The following RBFOX1 variants were observed in gnomAD, a reference collection of about 807,000 sequenced individuals.
RBFOX1 encodes the protein RNA binding fox-1 homolog 1.
A neutral mutation model predicts 57.7 loss-of-function variants in RBFOX1; 8 were observed. The observed-to-expected ratio is 0.14, with a 90% CI of 0.08 to 0.25. The LOEUF (loss-of-function observed/expected upper bound fraction) is 0.25, where lower values mean the gene tolerates loss of function less well. RBFOX1 is among the 10% of genes least tolerant of loss of function. RBFOX1 has a pLI of 1.00. For synonymous variants in RBFOX1, 326 were observed against 222.4 expected, an observed-to-expected ratio of 1.47 and a Z score of -4.15; for missense variants, 611 against 548.5, an observed-to-expected ratio of 1.11 and a Z score of -1.14.
intron 1 of RBFOX1, among the ~76,000 whole-genome samples, chr16:5,355,310 G>A (rs1336078825): frequency 6.6e-6 from 1 of 152,204 alleles, no homozygotes; most frequent in Non-Finnish European, 1.5e-5. Flanking sequence ...AGGTGTGGCA[G>A]GACGCAGGGA....
At chr16:6,843,616 G>C (rs566978197) in intron 3 of RBFOX1, among the ~76,000 whole-genome samples, 2 of 152,310 alleles carry the variant, frequency 1.3e-5, no homozygotes, top group Middle Eastern at 3.4e-3. Context: ...ATGAACCCAG[G>C]AGGTGGAGCT....
chr16:5,290,947 G>A (rs537341288), intron 1 of RBFOX1, among the ~76,000 whole-genome samples: 2 of 152,278 alleles, frequency 1.3e-5, no homozygotes, highest in South Asian at 2.1e-4. Flanking sequence ...TGATGCACCC[G>A]CCTCAGCTTC....
At chr16:6,809,522 G>C (rs948047895) in intron 3 of RBFOX1, among the ~76,000 whole-genome samples, 11 of 152,150 alleles carry the variant, frequency 7.2e-5, no homozygotes, top group Non-Finnish European at 1.0e-4. Context: ...CCAGGAGGCA[G>C]TGTGGAATAA....
chr16:7,195,219 G>A (rs1384100342), intron 4 of RBFOX1, among the ~76,000 whole-genome samples: 1 of 152,152 alleles, frequency 6.6e-6, no homozygotes, highest in Non-Finnish European at 1.5e-5. Flanking sequence ...GAGTTTCCCA[G>A]AATAGCCTTA....
At chr16:6,380,915 C>G (rs955391352) in intron 2 of RBFOX1, among the ~76,000 whole-genome samples, 1 of 152,088 alleles carries the variant, frequency 6.6e-6, no homozygotes, top group Non-Finnish European at 1.5e-5. Flanking sequence ...AGGAACAAAC[C>G]AAAGGTCCTC....
intron 1 of RBFOX1, among the ~76,000 whole-genome samples, chr16:6,155,187 C>T (rs1193648712): frequency 2.6e-5 from 4 of 152,186 alleles, no homozygotes; most frequent in Non-Finnish European, 2.9e-5. Context: ...GAGTCCTTCC[C>T]ATTGACTGCT....
chr16:7,179,918 T>C (rs2082365607), intron 4 of RBFOX1, among the ~76,000 whole-genome samples: 1 of 151,872 alleles, frequency 6.6e-6, no homozygotes, highest in African/African-American at 2.4e-5. Flanking sequence ...TATTTTTTTT[T>C]TTTTAGTAGA....
At chr16:5,369,594 G>A (rs569685047) in intron 1 of RBFOX1, among the ~76,000 whole-genome samples, 6 of 152,284 alleles carry the variant, frequency 3.9e-5, no homozygotes, top group African/African-American at 7.2e-5. Context: ...TGCCCCACAC[G>A]CTCCTGAGCA....
intron 1 of RBFOX1, among the ~76,000 whole-genome samples, chr16:6,228,955 T>A (rs116108874): frequency 6.6e-6 from 1 of 151,916 alleles, no homozygotes; most frequent in African/African-American, 2.4e-5. Flanking sequence ...CAAACAAAAG[T>A]AGAGGTGAAG....
At position 5,257,685 on chromosome 16, in the gene RBFOX1, A is replaced by T. The variant is rs527892716; in HGVS notation, c.219+17580A>T. Among the ~76,000 whole-genome samples, 4 of 152,236 alleles carry T rather than the reference A, an allele frequency of 2.6e-5. No individual in the cohort carries two copies. The East Asian group carries it at 7.7e-4, about 29-fold the overall frequency. On this transcript the variant is annotated intron_variant, in intron 1 of 2. Transcript: ENST00000585867. ...GACTCATCTTCCATTCCTTTCTTCC[A>T]TGAAGCAAGGCGCATGGGTCGACTG...
At chr16:6,297,670 A>AC (rs1166168076) in intron 1 of RBFOX1, among the ~76,000 whole-genome samples, 2 of 151,834 alleles carry the variant, frequency 1.3e-5, no homozygotes, top group East Asian at 1.9e-4. Flanking sequence ...GGCCCACCAC[A>AC]CCCCCCTATC....
chr16:6,005,489 C>G (rs898557075), intron 4 of RBFOX1, among the ~76,000 whole-genome samples: 1 of 152,216 alleles, frequency 6.6e-6, no homozygotes, highest in African/African-American at 2.4e-5. Flanking sequence ...TGGTGTAATA[C>G]AAGGCATGAA....
chr16:7,327,885 G>C (rs1310356081), intron 4 of RBFOX1, among the ~76,000 whole-genome samples: 1 of 151,716 alleles, frequency 6.6e-6, no homozygotes, highest in African/African-American at 2.4e-5. Flanking sequence ...ACTGGACTTG[G>C]TCCCCACGGC....
chr16:5,671,781 A>G (rs546680789), intron 3 of RBFOX1, among the ~76,000 whole-genome samples: 1 of 152,332 alleles, frequency 6.6e-6, no homozygotes, highest in East Asian at 1.9e-4. Context: ...TATCCAGTGA[A>G]TATAAGGCCC....
chr16:6,097,311 A>AC lies in RBFOX1; in HGVS notation c.-127+77325dup, dbSNP rs1170804584. ...AGCAGCATAAAAACAGACTAACATA[A>AC]CCCCCCTTTCTTCCTACCCCTGTGA... On this transcript the variant is annotated intron_variant, in intron 1 of 15. Coordinates refer to ENST00000550418, the MANE Select transcript of RBFOX1 (RefSeq NM_018723.4). This position sits in a 1 kb window ranked among gnomAD's most constrained non-coding sequence, Gnocchi z 5.0. Among the ~76,000 whole-genome samples, 3 of 151,858 alleles carry AC rather than the reference A, an allele frequency of 2.0e-5. No homozygotes were observed. Among genetic ancestry groups the AC allele is most frequent in the Non-Finnish European group, 2.9e-5 (2 of 67,950 alleles).
At chr16:6,767,537 A>G (rs7191073) in intron 3 of RBFOX1, among the ~76,000 whole-genome samples, 4 of 152,104 alleles carry the variant, frequency 2.6e-5, no homozygotes, top group South Asian at 2.1e-4. Flanking sequence ...CTCACCCCCA[A>G]AAAAATTCTG....
intron 3 of RBFOX1, among the ~76,000 whole-genome samples, chr16:6,736,949 C>T (rs1453074850): frequency 6.6e-6 from 1 of 152,180 alleles, no homozygotes. Flanking sequence ...GTGAAGTTAG[C>T]ATCGGGAAGC....
chr16:7,703,075 A>G (rs575335228), intron 14 of RBFOX1, among the ~76,000 whole-genome samples: 9 of 151,954 alleles, frequency 5.9e-5, no homozygotes, highest in African/African-American at 2.2e-4. Context: ...TAGCTAGACC[A>G]TGGCTCTCTA....
intron 1 of RBFOX1, among the ~76,000 whole-genome samples, chr16:6,298,335 A>G (rs111981496): frequency 6.6e-6 from 1 of 152,252 alleles, no homozygotes; most frequent in South Asian, 2.1e-4. Context: ...TTTGCTTTCC[A>G]TCACACTGAT....
Sources: allele counts gnomAD v4.1 joint callset (sites outside exome capture counted in the v4.1 genomes callset), GRCh38; gene constraint gnomAD v4.1.1; non-coding constraint Gnocchi (gnomAD v3.1); transcripts MANE v1.5; gene names NCBI Gene and HGNC (gene_info 2026-07-23, HGNC 2026-07-21).